DPF3: variants seen among roughly 807,000 people sequenced by gnomAD.
DPF3 encodes the protein zinc finger protein DPF3.
DPF3 carries 18 observed loss-of-function variants against 56.8 expected under a neutral mutation model. The ratio of observed to expected loss-of-function variants is 0.32; its 90% CI spans 0.22 to 0.47. DPF3 has a LOEUF of 0.47. Ranked by LOEUF, DPF3 falls within the 20% of genes least tolerant of loss-of-function variation. The pLI is 1.00. For synonymous variants in DPF3, 188 were observed against 180.2 expected (o/e 1.04, Z -0.35); for missense variants, 403 against 488.8 (o/e 0.82, Z 1.65).
intron 3 of DPF3, among the ~76,000 whole-genome samples, chr14:72,750,586 C>T (rs980726816): frequency 7.9e-5 from 12 of 151,778 alleles, no homozygotes; most frequent in African/African-American, 1.5e-4. Context: ...GAGAACAGCC[C>T]GGTTAGACAA....
chr14:72,665,617 T>C (rs1567193762), intron 8 of DPF3, among the ~76,000 whole-genome samples: 1 of 152,196 alleles, frequency 6.6e-6, no homozygotes, highest in Non-Finnish European at 1.5e-5. Context: ...GACTAACCAG[T>C]ATCGAGGTTG....
chr14:72,776,788 T>C (rs907502264), intron 1 of DPF3, among the ~76,000 whole-genome samples: 1 of 151,548 alleles, frequency 6.6e-6, no homozygotes, highest in Admixed American at 6.6e-5. Flanking sequence ...ATACCAGAAA[T>C]GTGAGTCCAA....
In DPF3 at chr14:72,798,392, A is replaced by G. The variant is rs190785787; in HGVS notation, c.33-26499T>C. 5.9e-3 allele frequency among the ~76,000 whole-genome samples: 895 copies of G among 150,892 alleles called. 3 individuals are homozygous for G. The highest frequency in any genetic ancestry group is 0.017 in the South Asian group (79 of 4,768). ...ATCCTTTTGCTGTCTTCCTTTTAAT[A>G]TTCTGTATCCCAGTAGCCATATTTT... On this transcript the variant is annotated intron_variant, in intron 1 of 10. Transcript: ENST00000556509.
chr14:72,848,790 T>A (rs1007086982), intron 1 of DPF3, among the ~76,000 whole-genome samples: 2 of 152,176 alleles, frequency 1.3e-5, no homozygotes, highest in Non-Finnish European at 2.9e-5. Flanking sequence ...GCATTTGCAA[T>A]AGGAAAGGGG....
chr14:72,671,391 A>G, intron 8 of DPF3: 1 of 1,598,466 alleles, frequency 6.3e-7, no homozygotes, highest in Non-Finnish European at 8.6e-7. Context: ...AGACAGCATT[A>G]TTAATATTCT....
rs186275379 is a variant in DPF3, at chr14:72,723,486, C to G, written c.525+147G>C. The G allele has an allele frequency of 1.3e-5, 9 of 696,856 alleles. No homozygotes were observed. The Admixed American group carries it at 2.7e-4, about 21-fold the overall frequency. The allele number at this position is 696,856 out of a possible 1,614,324, so 43.2% of individuals were successfully genotyped here. A position where few individuals can be genotyped will look rare whatever the true frequency, so the allele number is the denominator to read the frequency against. ...ACTCTTCCAGGCTACGACCTGGGAT[C>G]AGAGCTCTTCTGGAGTTTTCTCCTT... On this transcript the variant is annotated intron_variant, in intron 5 of 10. Coordinates refer to ENST00000556509, the MANE Select transcript of DPF3 (RefSeq NM_001280542.3).
intron 9 of DPF3, among the ~76,000 whole-genome samples, chr14:72,626,571 A>C (rs1884841577): frequency 6.6e-6 from 1 of 152,108 alleles, no homozygotes; most frequent in African/African-American, 2.4e-5. Context: ...TGTTTATTCA[A>C]CAACTACTCT....
chr14:72,671,329 C>T, intron 8 of DPF3: 2 of 1,613,998 alleles, frequency 1.2e-6, no homozygotes, highest in African/African-American at 2.7e-5. Context: ...GCCTTCTCCT[C>T]CCAAATGAGC....
At chr14:72,863,848 T>G (rs1418618148) in intron 1 of DPF3, among the ~76,000 whole-genome samples, 1 of 152,204 alleles carries the variant, frequency 6.6e-6, no homozygotes, top group Non-Finnish European at 1.5e-5. Context: ...GGGGCAGCTG[T>G]TCTGCCTAGA....
intron 1 of DPF3, 114 bp from the exon 2 acceptor site, chr14:72,772,007 A>T (rs1734425262): frequency 8.4e-7 from 1 of 1,197,208 alleles, no homozygotes; most frequent in Non-Finnish European, 1.1e-6. Flanking sequence ...CCTCCCAGTT[A>T]TGAAGACCAA....
chr14:72,742,531 G>A (rs978990190), intron 3 of DPF3: 4 of 152,406 alleles, frequency 2.6e-5, no homozygotes, highest in Non-Finnish European at 1.5e-5. Context: ...ACACGGCAGA[G>A]GGGGAAGGCT....
At chr14:72,721,511 C>T (rs1052086724) in intron 5 of DPF3, among the ~76,000 whole-genome samples, 17 of 152,114 alleles carry the variant, frequency 1.1e-4, no homozygotes, top group African/African-American at 3.9e-4. Flanking sequence ...CCCTCCCCTC[C>T]GTGAATGGGT....
At chr14:72,764,571 C>T (rs1211968226) in intron 2 of DPF3, among the ~76,000 whole-genome samples, 2 of 144,526 alleles carry the variant, frequency 1.4e-5, no homozygotes, top group African/African-American at 2.6e-5. Context: ...TCACTGCAAG[C>T]TCCGCCTCCC....
intron 4 of DPF3, chr14:72,724,095 C>G (rs1450399187): frequency 5.6e-6 from 1 of 179,036 alleles, no homozygotes; most frequent in Non-Finnish European, 1.1e-5. Flanking sequence ...AAAGGGCCAC[C>G]TCAGAAATAT....
intron 5 of DPF3, among the ~76,000 whole-genome samples, chr14:72,715,949 C>CA (rs1888905091): frequency 1.3e-5 from 2 of 151,156 alleles, no homozygotes; most frequent in Admixed American, 1.3e-4. Context: ...TCACCCCGGG[C>CA]ACTGACAGGC....
rs1449334781 is a variant in DPF3 at position 72,613,680 on chromosome 14, A to G, written c.*5617T>C. On this transcript the variant is annotated 3_prime_UTR_variant, in exon 11 of 11. Transcript: ENST00000556509. ...TTCCCAGGAACCCACTCACTTCCAA[A>G]TCTTTCCCCTCATGCAGGGAGTTCC... is the stretch of plus-strand genomic sequence containing the variant. Among the ~76,000 whole-genome samples the G allele has an allele frequency of 6.6e-6, 1 of 152,154 alleles. No homozygotes were observed. The highest frequency in any genetic ancestry group is 1.5e-5 in the Non-Finnish European group (1 of 68,014).
chr14:72,669,871 A>G (rs1413817592), intron 8 of DPF3: 3 of 982,722 alleles, frequency 3.1e-6, no homozygotes, highest in Non-Finnish European at 3.6e-6. Flanking sequence ...AAGCTGGGGG[A>G]AAAAGGAAAA....
chr14:72,821,262 C>T (rs35837903), intron 1 of DPF3, among the ~76,000 whole-genome samples: 14,192 of 151,978 alleles, frequency 0.093, 808 homozygotes, highest in Admixed American at 0.18. Context: ...CCAGCTTGGG[C>T]AACAGAGTAG....
intron 1 of DPF3, among the ~76,000 whole-genome samples, chr14:72,839,110 G>A (rs1213008658): frequency 1.3e-5 from 2 of 150,934 alleles, no homozygotes; most frequent in South Asian, 2.1e-4. Context: ...TAGTAGAGAC[G>A]GGGCTTCGCC....
Sources: gnomAD v4.1 joint callset for allele counts (sites outside exome capture counted in the v4.1 genomes callset) on GRCh38, gnomAD v4.1.1 for gene constraint, MANE v1.5 for transcripts, NCBI Gene and HGNC (gene_info 2026-07-23, HGNC 2026-07-21) for gene names.